CFHR5: variants seen among roughly 807,000 people sequenced by gnomAD.
CFHR5 encodes the protein complement factor H related 5.
Under a neutral mutation model 62.9 loss-of-function variants are expected in CFHR5, and 73 were observed. The observed-to-expected ratio is 1.16, with a 90% CI of 0.96 to 1.41. The LOEUF (loss-of-function observed/expected upper bound fraction) is 1.41. Ranked by LOEUF, CFHR5 falls within the 40% of genes most tolerant of loss-of-function variation. The pLI, the probability that CFHR5 is intolerant of heterozygous loss-of-function variation, is 0.00. For synonymous variants in CFHR5, 249 were observed against 227.2 expected (o/e 1.10, Z -0.86); for missense variants, 779 against 679.9 (o/e 1.15, Z -1.62).
intron 9 of CFHR5, among the ~76,000 whole-genome samples, chr1:197,007,929 CAT>C (rs1336976048): frequency 6.8e-6 from 1 of 146,466 alleles, no homozygotes; most frequent in Non-Finnish European, 1.5e-5. Flanking sequence ...TTACAATTAA[CAT>C]ACATATAAAT....
At chr1:196,985,469 G>C (rs80238231) in intron 3 of CFHR5, among the ~76,000 whole-genome samples, 2,033 of 151,770 alleles carry the variant, frequency 0.013, 35 homozygotes, top group African/African-American at 0.044. Flanking sequence ...CAATTACAAG[G>C]GGTTAAAACA....
intron 7 of CFHR5, 67 bp from the exon 8 acceptor site, chr1:197,002,415 A>C: frequency 8.4e-7 from 1 of 1,186,084 alleles, no homozygotes; most frequent in Non-Finnish European, 1.2e-6. Context: ...TTCCTGAAAC[A>C]CTACCCTATT....
intron 3 of CFHR5, among the ~76,000 whole-genome samples, chr1:196,988,856 C>T (rs1653765092): frequency 6.6e-6 from 1 of 152,080 alleles, no homozygotes; most frequent in South Asian, 2.1e-4. Flanking sequence ...CTCTGCCAGT[C>T]TTTGGTACCA....
At chr1:196,996,507 T>C (rs115345149) in intron 6 of CFHR5, among the ~76,000 whole-genome samples, 2,056 of 152,324 alleles carry the variant, frequency 0.013, 43 homozygotes, top group African/African-American at 0.045. Flanking sequence ...GAATGTGATT[T>C]AATTGCATAC....
At chr1:196,988,868 G>A (rs1653765431) in intron 3 of CFHR5, among the ~76,000 whole-genome samples, 1 of 152,104 alleles carries the variant, frequency 6.6e-6, no homozygotes, top group Non-Finnish European at 1.5e-5. Flanking sequence ...TTGGTACCAG[G>A]ATGATGCTGG....
chr1:197,004,635 C>G lies in CFHR5; in HGVS notation c.1331-26C>G. The G allele has an allele frequency of 1.9e-6, 3 of 1,582,752 alleles. No homozygotes were observed. The South Asian group carries it at 3.3e-5, about 18-fold the overall frequency. On this transcript the variant is annotated intron_variant, in intron 8 of 9. Coordinates refer to ENST00000256785, the MANE Select transcript of CFHR5 (RefSeq NM_030787.4). ...TATTTTGTTTAAACTAACATAATGTCTCAACAAATAAATGCTGTTTTCCAG... is the reference window on the plus strand; with the variant it reads ...TATTTTGTTTAAACTAACATAATGTGTCAACAAATAAATGCTGTTTTCCAG...
intron 8 of CFHR5, 109 bp downstream of exon 8, chr1:197,002,773 C>G: frequency 1.1e-6 from 1 of 903,028 alleles, no homozygotes; most frequent in Non-Finnish European, 1.7e-6. Context: ...GCACTGTACC[C>G]CAAAGCCTTA....
chr1:197,004,028 G>C lies in CFHR5; in HGVS notation c.1331-633G>C, dbSNP rs578077789. On this transcript the variant is annotated intron_variant, in intron 8 of 9. Coordinates refer to ENST00000256785, the MANE Select transcript of CFHR5 (RefSeq NM_030787.4). ...GAGGATGTACAAGCAATTTGGGATA[G>C]GATTACTTAGTGATTTCATATTTAT... Among the ~76,000 whole-genome samples the C allele has an allele frequency of 1.5e-4, 23 of 152,214 alleles. No individual in the cohort carries two copies. In the South Asian group the frequency reaches 4.8e-3, roughly 32 times the overall value.
At chr1:197,004,906 TA>T in intron 9 of CFHR5, 63 bp downstream of exon 9, 1 of 1,275,170 alleles carries the variant, frequency 7.8e-7, no homozygotes, top group Non-Finnish European at 1.1e-6. Context: ...TTTTTTGGAC[TA>T]ATTTCATAGA....
chr1:196,996,984 C>T (rs80119232), intron 6 of CFHR5, among the ~76,000 whole-genome samples: 30,470 of 151,640 alleles, frequency 0.2, 3,252 homozygotes, highest in Middle Eastern at 0.34. Context: ...TATTTTTTTT[C>T]CCGACACCCT....
chr1:196,978,289 T>C (rs2125024293), intron 1 of CFHR5, among the ~76,000 whole-genome samples: 1 of 152,218 alleles, frequency 6.6e-6, no homozygotes, highest in African/African-American at 2.4e-5. Flanking sequence ...CTTCCACAAA[T>C]TTCAAAAGTG....
chr1:196,976,738 A>G (rs1172537923), upstream of CFHR5, among the ~76,000 whole-genome samples: 1 of 149,986 alleles, frequency 6.7e-6, no homozygotes, highest in Non-Finnish European at 1.5e-5. Flanking sequence ...GAACAAAATG[A>G]TTTTGAATTA....
Position 196,993,811 on chromosome 1 carries a change from G to C in CFHR5, c.431-269G>C, listed in dbSNP as rs532263066. 6.6e-5 allele frequency among the ~76,000 whole-genome samples: 10 copies of C among 152,136 alleles called. 1 individual carries two copies. The highest frequency in any genetic ancestry group is 2.0e-4 in the Admixed American group (3 of 15,280). On this transcript the variant is annotated intron_variant, in intron 3 of 9. Transcript: ENST00000256785. ...AATTAAACAAATTAAATAATTTACT[G>C]TATGAGTAACTTCACAGGACATTCT... is the stretch of plus-strand genomic sequence containing the variant.
At chr1:196,993,961 G>C in intron 3 of CFHR5, 119 bp from the exon 4 acceptor site, 2 of 784,402 alleles carry the variant, frequency 2.5e-6, no homozygotes, top group Non-Finnish European at 4.2e-6. Context: ...TTTTCTCGAA[G>C]GCAAGAATAT....
intron 9 of CFHR5, 80 bp downstream of exon 9, chr1:197,004,923 C>A (rs1654246923): frequency 2.8e-6 from 3 of 1,077,340 alleles, no homozygotes; most frequent in Non-Finnish European, 4.2e-6. Flanking sequence ...ATAGAATAAC[C>A]CTTACTTAAG....
chr1:196,987,055 G>A (rs1005670316), intron 3 of CFHR5, among the ~76,000 whole-genome samples: 3 of 152,080 alleles, frequency 2.0e-5, no homozygotes, highest in East Asian at 1.9e-4. Flanking sequence ...TTTAATGATC[G>A]CCATTCTAAC....
intron 1 of CFHR5, among the ~76,000 whole-genome samples, chr1:196,980,255 A>G (rs1413507753): frequency 6.6e-6 from 1 of 152,110 alleles, no homozygotes; most frequent in Non-Finnish European, 1.5e-5. Context: ...TTTTTTTTTA[A>G]TAAGTAGAAG....
At chr1:196,998,558 A>C (rs1052907273) in intron 7 of CFHR5, among the ~76,000 whole-genome samples, 2 of 152,032 alleles carry the variant, frequency 1.3e-5, no homozygotes, top group African/African-American at 4.8e-5. Flanking sequence ...AGAAAAAAAG[A>C]AATAAAGAAC....
chr1:197,007,274 C>A (rs751343645), intron 9 of CFHR5, among the ~76,000 whole-genome samples: 6 of 151,104 alleles, frequency 4.0e-5, no homozygotes, highest in African/African-American at 1.2e-4. Context: ...AAACAGGAAC[C>A]AAATGAAAGA....
Sources: gnomAD v4.1 joint callset for allele counts (sites outside exome capture counted in the v4.1 genomes callset) on GRCh38, gnomAD v4.1.1 for gene constraint, MANE v1.5 for transcripts, NCBI Gene and HGNC (gene_info 2026-07-23, HGNC 2026-07-21) for gene names.